Variants in RTBDN observed in about 807,000 individuals in gnomAD.
RTBDN encodes retbindin.
In RTBDN, 24 loss-of-function variants were observed where a neutral mutation model predicts 21.9. The ratio of observed to expected loss-of-function variants is 1.10; its 90% CI spans 0.79 to 1.54. The LOEUF (loss-of-function observed/expected upper bound fraction) is 1.54. RTBDN is among the 40% of genes most tolerant of loss of function. The pLI, the probability that RTBDN is intolerant of heterozygous loss-of-function variation, is 0.00. For synonymous variants in RTBDN, 141 were observed against 125.9 expected, an observed-to-expected ratio of 1.12 and a Z score of -0.80; for missense variants, 325 against 315.2, an observed-to-expected ratio of 1.03 and a Z score of -0.23.
At chr19:12,833,867 C>T in intron 1 of RTBDN, 1 of 384,326 alleles carries the variant, frequency 2.6e-6, no homozygotes, top group East Asian at 3.7e-5. Context: ...CCGCCGCCGC[C>T]GCCGCGGTCC....
At chr19:12,828,569 C>A in intron 4 of RTBDN, 88 bp downstream of exon 4, 1 of 1,014,850 alleles carries the variant, frequency 9.9e-7, no homozygotes, top group South Asian at 1.6e-5. Context: ...GGCCACTCCC[C>A]TTTACACAGA....
Position 12,828,746 on chromosome 19 carries a change from G to A in RTBDN, c.276C>T (p.His92=). Residue 92 remains histidine, a synonymous_variant, in exon 4 of 6, where the codon CAC becomes CAT. Coordinates refer to ENST00000674343, the MANE Select transcript of RTBDN (RefSeq NM_001270441.2). ...AGCGACTGCGAAGGGCACGTTGGAG[G>A]TGTTCCAGGAAGGATTCGCATCTGG... ...PSPECESFLE[H]LQRALRSRFR... 6.2e-7 allele frequency: 1 copy of A among 1,614,250 alleles called. No homozygotes were observed. Among genetic ancestry groups the A allele is most frequent in the African/African-American group, 1.3e-5 (1 of 75,068 alleles).
At chr19:12,828,252 C>G (rs928393969) in intron 4 of RTBDN, among the ~76,000 whole-genome samples, 1 of 151,822 alleles carries the variant, frequency 6.6e-6, no homozygotes, top group Non-Finnish European at 1.5e-5. Context: ...AAAAATTAGC[C>G]GGGCATGGTG....
At chr19:12,831,711 C>T (rs1459219498) in intron 1 of RTBDN, among the ~76,000 whole-genome samples, 2 of 152,044 alleles carry the variant, frequency 1.3e-5, no homozygotes, top group Admixed American at 6.6e-5. Flanking sequence ...GTCTCAAAAA[C>T]AAACAAACAA....
chr19:12,835,163 A>C (rs993767642), upstream of RTBDN: 23 of 1,536,608 alleles, frequency 1.5e-5, no homozygotes, highest in Non-Finnish European at 2.1e-5. Flanking sequence ...TGGTCAGTGC[A>C]GCAGGAAAAA....
Position 12,825,592 on chromosome 19 carries a change from C to T in RTBDN, c.*114G>A. The stretch of plus-strand genomic sequence containing the variant: ...TCTCTGGAGCTCCAGGGAGGAGGGA[C>T]AGACATCTCAAAACTATTACAGAAG... On this transcript the variant is annotated 3_prime_UTR_variant, in exon 6 of 6. Coordinates refer to ENST00000674343, the MANE Select transcript of RTBDN (RefSeq NM_001270441.2). The T allele has an allele frequency of 7.0e-7, 1 of 1,427,444 alleles. No individual in the cohort carries two copies. Among genetic ancestry groups the T allele is most frequent in the Non-Finnish European group, 9.2e-7 (1 of 1,086,822 alleles). The allele number at this position is 1,427,444 out of a possible 1,614,324, so 88.4% of individuals were successfully genotyped here.
At chr19:12,835,112 T>TA, upstream of RTBDN, 1 of 1,612,808 alleles carries the variant, frequency 6.2e-7, no homozygotes, top group Non-Finnish European at 8.5e-7. Context: ...TAGACTCCCC[T>TA]AATCCATCAT....
In RTBDN at chr19:12,830,660, A is replaced by G; in HGVS notation, c.-18-663T>C. On this transcript the variant is annotated intron_variant, in intron 1 of 5. Coordinates refer to ENST00000674343, the MANE Select transcript of RTBDN (RefSeq NM_001270441.2). The surrounding 1 kb of genome is among the most constrained non-coding windows in gnomAD (Gnocchi z 4.2). The stretch of plus-strand genomic sequence containing the variant: ...AGGCCGCTAAGACACCTCAGGATCC[A>G]GTCCAGGAAACTGGCTGCTGAAAGG... The G allele has an allele frequency of 1.0e-6, 1 of 985,544 alleles. No homozygotes were observed. The highest frequency in any genetic ancestry group is 1.2e-6 in the Non-Finnish European group (1 of 830,008). 61.0% of individuals were successfully genotyped at this position (985,544 alleles called of 1,614,324 possible). A position where few individuals can be genotyped will look rare whatever the true frequency, so the allele number is the denominator to read the frequency against.
At chr19:12,826,172 C>T (rs1969289534) in intron 5 of RTBDN, 3 of 1,376,402 alleles carry the variant, frequency 2.2e-6, no homozygotes, top group Non-Finnish European at 1.9e-6. Context: ...GCAGAGAGGT[C>T]TGTATCAAGG....
At chr19:12,827,671 G>A (rs10413073) in intron 4 of RTBDN, among the ~76,000 whole-genome samples, 2,894 of 152,074 alleles carry the variant, frequency 0.019, 96 homozygotes, top group African/African-American at 0.066. Flanking sequence ...GTCTTGCCAT[G>A]TTCCCCAGGC....
Position 12,834,421 on chromosome 19 carries a change from C to A in RTBDN, c.-19+68G>T. Reference sequence around the variant, plus strand: ...TGGAGGCGTAAACATGTTTGTGCGGCAACCTCGCCCCTCACCACCCCAGGA... The same window carrying A: ...TGGAGGCGTAAACATGTTTGTGCGGAAACCTCGCCCCTCACCACCCCAGGA... On this transcript the variant is annotated intron_variant, in intron 1 of 5. Transcript: ENST00000674343. This position sits in a 1 kb window ranked among gnomAD's most constrained non-coding sequence, Gnocchi z 4.7. 1 of 1,249,426 alleles carries A rather than the reference C, an allele frequency of 8.0e-7. No homozygotes were observed. Among genetic ancestry groups the A allele is most frequent in the Non-Finnish European group, 1.1e-6 (1 of 890,586 alleles). The allele number at this position is 1,249,426 out of a possible 1,614,324, so 77.4% of individuals were successfully genotyped here.
rs1173276958 is a variant in RTBDN, at chr19:12,830,603, GCCC to G, written c.-18-609_-18-607del. The G allele has an allele frequency of 2.2e-5, 22 of 985,458 alleles. No homozygotes were observed. Among genetic ancestry groups the G allele is most frequent in the Non-Finnish European group, 2.7e-5 (22 of 830,092 alleles). 61.0% of individuals were successfully genotyped at this position (985,458 alleles called of 1,614,324 possible). Reference sequence around the variant, plus strand: ...TCCCCTTCCCGCCTCCCCGCATTCAGCCCCTCACCTGTTGGCTGGATTGGGGTC... The same window carrying G: ...TCCCCTTCCCGCCTCCCCGCATTCAGCTCACCTGTTGGCTGGATTGGGGTC... On this transcript the variant is annotated intron_variant, in intron 1 of 5. Coordinates refer to ENST00000674343, the MANE Select transcript of RTBDN (RefSeq NM_001270441.2). This position sits in a 1 kb window ranked among gnomAD's most constrained non-coding sequence, Gnocchi z 4.2.
At position 12,834,154 on chromosome 19, in the gene RTBDN, C is replaced by T. The variant is rs947124250; in HGVS notation, c.-19+335G>A. ...CGCTAACCGCGGGGAACGCTGTGGC[C>T]GCGCGTCCCGCCGCGCTGGGGACCC... On this transcript the variant is annotated intron_variant, in intron 1 of 5. Coordinates refer to ENST00000674343, the MANE Select transcript of RTBDN (RefSeq NM_001270441.2). The surrounding 1 kb of genome is among the most constrained non-coding windows in gnomAD (Gnocchi z 4.7). 7 of 402,192 alleles carry T rather than the reference C, an allele frequency of 1.7e-5. No individual in the cohort carries two copies. The highest frequency in any genetic ancestry group is 8.6e-5 in the Admixed American group (2 of 23,310). 24.9% of individuals were successfully genotyped at this position (402,192 alleles called of 1,614,324 possible). A position where few individuals can be genotyped will look rare whatever the true frequency, so the allele number is the denominator to read the frequency against.
rs1969684605 is a variant in RTBDN at position 12,834,373 on chromosome 19, C to T, written c.-19+116G>A. 5.2e-6 allele frequency: 4 copies of T among 762,260 alleles called. No individual in the cohort carries two copies. The highest frequency in any genetic ancestry group is 6.5e-6 in the Non-Finnish European group (3 of 463,306). The allele number at this position is 762,260 out of a possible 1,614,324, so 47.2% of individuals were successfully genotyped here. A position where few individuals can be genotyped will look rare whatever the true frequency, so the allele number is the denominator to read the frequency against. ...CAAAGTTATTGCCCTAGGGCTCATG[C>T]CCCTCGGGGCCATCGGCGCCGCTGG... On this transcript the variant is annotated intron_variant, in intron 1 of 5. Transcript: ENST00000674343. This position sits in a 1 kb window ranked among gnomAD's most constrained non-coding sequence, Gnocchi z 4.7.
chr19:12,830,539 C>G lies in RTBDN; in HGVS notation c.-18-542G>C, dbSNP rs767450321. 2 of 984,802 alleles carry G rather than the reference C, an allele frequency of 2.0e-6. No individual in the cohort carries two copies. The highest frequency in any genetic ancestry group is 2.4e-6 in the Non-Finnish European group (2 of 829,334). The allele number at this position is 984,802 out of a possible 1,614,324, so 61.0% of individuals were successfully genotyped here. A position where few individuals can be genotyped will look rare whatever the true frequency, so the allele number is the denominator to read the frequency against. On this transcript the variant is annotated intron_variant, in intron 1 of 5. Transcript: ENST00000674343. This position sits in a 1 kb window ranked among gnomAD's most constrained non-coding sequence, Gnocchi z 4.2. ...GTTCTGTCACTGGGGCCCAAAGCCC[C>G]GAGGCAGGGACAGCTAGCGGTCTGT...
At chr19:12,828,608 C>T (rs1380394278) in intron 4 of RTBDN, 49 bp downstream of exon 4, 2 of 1,463,068 alleles carry the variant, frequency 1.4e-6, no homozygotes, top group Non-Finnish European at 1.9e-6. Context: ...GCTCCGCCCT[C>T]TTCCCCGCCC....
At chr19:12,829,694 G>A in intron 2 of RTBDN, 117 bp downstream of exon 2, 1 of 1,008,554 alleles carries the variant, frequency 9.9e-7, no homozygotes, top group Non-Finnish European at 1.4e-6. Context: ...CACTATCCGT[G>A]CCTCCCACCT....
chr19:12,832,589 G>A (rs1969615901), intron 1 of RTBDN: 1 of 152,272 alleles, frequency 6.6e-6, no homozygotes, highest in Non-Finnish European at 1.5e-5. Context: ...CCAGCACCAA[G>A]GAGAGCTCCC....
In RTBDN at chr19:12,829,887, G is replaced by T; in HGVS notation, c.93C>A (p.Ser31Arg). 6.2e-7 allele frequency: 1 copy of T among 1,614,136 alleles called. No individual in the cohort carries two copies. Among genetic ancestry groups the T allele is most frequent in the Non-Finnish European group, 8.5e-7 (1 of 1,180,028 alleles). Residue 31 changes from serine to arginine, a missense_variant, in exon 2 of 6, where the codon AGC becomes AGA. Coordinates refer to ENST00000674343, the MANE Select transcript of RTBDN (RefSeq NM_001270441.2). ...AWILLEACGGSRPLQARSQQH... is the reference protein window; with the variant it reads ...AWILLEACGGRRPLQARSQQH... ...GCTGGGACCTGGCTTGGAGTGGGCG[G>T]CTCCCTCCACAGGCTTCTAGCAGGA...
Sources: allele counts gnomAD v4.1 joint callset (sites outside exome capture counted in the v4.1 genomes callset), GRCh38; gene constraint gnomAD v4.1.1; non-coding constraint Gnocchi (gnomAD v3.1); transcripts MANE v1.5; gene names NCBI Gene and HGNC (gene_info 2026-07-23, HGNC 2026-07-21).